Variants in GRXCR2 observed in about 807,000 individuals in gnomAD.
GRXCR2 encodes the protein glutaredoxin and cysteine rich domain containing 2.
In GRXCR2, 23 loss-of-function variants were observed where a neutral mutation model predicts 24.8. The observed-to-expected ratio is 0.93, with a 90% CI of 0.67 to 1.32. The LOEUF (loss-of-function observed/expected upper bound fraction) is 1.32, where lower values mean the gene tolerates loss of function less well. GRXCR2 is among the 40% of genes most tolerant of loss of function. The pLI is 0.00. For synonymous variants in GRXCR2, 130 were observed against 116.1 expected (o/e 1.12, Z -0.77); for missense variants, 315 against 303.4 (o/e 1.04, Z -0.28).
In GRXCR2 at chr5:145,891,295, T is replaced by G. The variant is rs567370260; in HGVS notation, c.-69-24567A>C. Among the ~76,000 whole-genome samples, 255 of 152,108 alleles carry G rather than the reference T, an allele frequency of 1.7e-3. 2 individuals are homozygous for G. Among genetic ancestry groups the G allele is most frequent in the African/African-American group, 5.9e-3 (245 of 41,484 alleles). On this transcript the variant is annotated intron_variant, in intron 2 of 3. Coordinates refer to the GRXCR2 transcript ENST00000639411. ...ATGTCAGACAGTGGGTGCAGGACAG[T>G]GGGTTCAGCACACCGAGCATGAGCC...
upstream of GRXCR2, among the ~76,000 whole-genome samples, chr5:145,876,143 G>A (rs191045947): frequency 1.7e-3 from 243 of 144,330 alleles, 2 homozygotes; most frequent in Admixed American, 3.4e-3. Flanking sequence ...CTCCAGCCTG[G>A]TTGACAAAGT....
intron 2 of GRXCR2, among the ~76,000 whole-genome samples, chr5:145,926,481 G>A (rs1264343450): frequency 1.3e-5 from 2 of 152,132 alleles, no homozygotes; most frequent in Non-Finnish European, 2.9e-5. Context: ...TTATTAAATA[G>A]GGAATTGTTT....
At chr5:145,921,745 A>G (rs1433336353) in intron 2 of GRXCR2, among the ~76,000 whole-genome samples, 1 of 152,358 alleles carries the variant, frequency 6.6e-6, no homozygotes, top group South Asian at 2.1e-4. Flanking sequence ...CTTCCAAATC[A>G]ATAGCTTAAT....
intron 2 of GRXCR2, among the ~76,000 whole-genome samples, chr5:145,908,476 T>C (rs1757120124): frequency 6.6e-6 from 1 of 152,212 alleles, no homozygotes; most frequent in Non-Finnish European, 1.5e-5. Context: ...TGATGAATAC[T>C]GAAAGGCTCT....
intron 2 of GRXCR2, among the ~76,000 whole-genome samples, chr5:145,896,930 T>C (rs976830128): frequency 1.3e-5 from 2 of 151,974 alleles, no homozygotes; most frequent in Non-Finnish European, 2.9e-5. Context: ...GTGGCACATA[T>C]ACACCATGGA....
chr5:145,920,046 C>G (rs569510514), intron 2 of GRXCR2, among the ~76,000 whole-genome samples: 143 of 152,220 alleles, frequency 9.4e-4, no homozygotes, highest in African/African-American at 3.3e-3. Flanking sequence ...ATCCTAACCC[C>G]CTAGAACACT....
chr5:145,915,493 C>T (rs187470741), intron 2 of GRXCR2, among the ~76,000 whole-genome samples: 9 of 152,122 alleles, frequency 5.9e-5, no homozygotes, highest in East Asian at 1.9e-4. Context: ...TGGTTACAAA[C>T]GTAGGCTCAG....
chr5:145,870,025 C>T (rs1478944818), intron 1 of GRXCR2, among the ~76,000 whole-genome samples: 1 of 152,076 alleles, frequency 6.6e-6, no homozygotes, highest in African/African-American at 2.4e-5. Flanking sequence ...TGACAGGTAT[C>T]AAAGTCCTTG....
chr5:145,921,221 GT>G (rs1561692003), intron 2 of GRXCR2, among the ~76,000 whole-genome samples: 2 of 152,158 alleles, frequency 1.3e-5, no homozygotes, highest in African/African-American at 4.8e-5. Flanking sequence ...TTTAAATCCT[GT>G]TTAGTCTGTC....
chr5:145,866,792 C>A, intron 1 of GRXCR2, 64 bp from the exon 2 acceptor site: 2 of 1,019,624 alleles, frequency 2.0e-6, no homozygotes, highest in Non-Finnish European at 3.1e-6. Context: ...GGCTGCAGAA[C>A]CTGTCCAACA....
chr5:145,885,855 T>C (rs1419239205), intron 2 of GRXCR2, among the ~76,000 whole-genome samples: 10 of 152,110 alleles, frequency 6.6e-5, no homozygotes, highest in Non-Finnish European at 1.5e-4. Flanking sequence ...CCCTTCATAA[T>C]GAAAAACAGC....
chr5:145,885,774 G>T lies in GRXCR2; in HGVS notation c.-69-19046C>A, dbSNP rs1042245277. Among the ~76,000 whole-genome samples, 3 of 152,088 alleles carry T rather than the reference G, an allele frequency of 2.0e-5. No individual in the cohort carries two copies. In the East Asian group the frequency reaches 5.8e-4, roughly 29 times the overall value. ...GATTTCATGAGGTCAGTATTCCGAG[G>T]AAAATAGTCTAGGAGATGCTGTTCT... On this transcript the variant is annotated intron_variant, in intron 2 of 3. Transcript: ENST00000639411.
intron 2 of GRXCR2, among the ~76,000 whole-genome samples, chr5:145,860,708 A>T (rs1756322069): frequency 6.6e-6 from 1 of 152,120 alleles, no homozygotes; most frequent in Non-Finnish European, 1.5e-5. Context: ...TTAATAGACT[A>T]GGACTGAGGC....
chr5:145,866,366 C>A (rs375679659), intron 2 of GRXCR2, 135 bp downstream of exon 2: 3 of 611,012 alleles, frequency 4.9e-6, no homozygotes, highest in South Asian at 2.1e-5. Flanking sequence ...GTTAAAATTC[C>A]TCATATCTTC....
chr5:145,916,961 C>T (rs73792735), intron 2 of GRXCR2, among the ~76,000 whole-genome samples: 2,201 of 152,142 alleles, frequency 0.014, 69 homozygotes, highest in African/African-American at 0.05. Flanking sequence ...AATCAAGAAG[C>T]TCCCTGACTT....
At chr5:145,858,029 T>C (rs1322016668), downstream of GRXCR2, among the ~76,000 whole-genome samples, 1 of 151,992 alleles carries the variant, frequency 6.6e-6, no homozygotes, top group Non-Finnish European at 1.5e-5. Flanking sequence ...AAAAGCAGAA[T>C]AGAGCCAGGC....
At chr5:145,900,405 A>G (rs1029265184) in intron 2 of GRXCR2, among the ~76,000 whole-genome samples, 3 of 152,144 alleles carry the variant, frequency 2.0e-5, no homozygotes, top group Non-Finnish European at 4.4e-5. Context: ...CTGTGAGCCA[A>G]TTAAACCTCT....
chr5:145,866,049 T>C (rs1027282815), intron 2 of GRXCR2, among the ~76,000 whole-genome samples: 2 of 148,134 alleles, frequency 1.4e-5, no homozygotes, highest in Admixed American at 1.4e-4. Context: ...GGCAGGAGAA[T>C]CACTTATCCA....
chr5:145,874,275 C>A (rs1484975973), upstream of GRXCR2, among the ~76,000 whole-genome samples: 3 of 151,328 alleles, frequency 2.0e-5, no homozygotes, highest in Non-Finnish European at 4.4e-5. Flanking sequence ...ACGATCTCGG[C>A]TCACTGCAAC....
Sources: gnomAD v4.1 joint callset for allele counts (sites outside exome capture counted in the v4.1 genomes callset) on GRCh38, gnomAD v4.1.1 for gene constraint, MANE v1.5 for transcripts, NCBI Gene and HGNC (gene_info 2026-07-23, HGNC 2026-07-21) for gene names.